Variants in SPRR2G observed in about 807,000 individuals in gnomAD.
SPRR2G encodes small proline rich protein 2G, also known as small proline-rich protein 2G.
In SPRR2G, 1 loss-of-function variant was observed where a neutral mutation model predicts 0.7. The ratio of observed to expected loss-of-function variants is 1.49; its 90% CI spans 0.53 to 7.06. The LOEUF is 7.06. Among genes scored for constraint, SPRR2G ranks in the 30% most tolerant of loss-of-function variants. The pLI, the probability that SPRR2G is intolerant of heterozygous loss-of-function variation, is 0.14. For missense variants in SPRR2G, 96 were observed against 88.5 expected, an observed-to-expected ratio of 1.09 and a Z score of -0.34; for synonymous variants, 38 against 33.9, an observed-to-expected ratio of 1.12 and a Z score of -0.42.
chr1:153,176,597 C>G, the SPRR2G span: 1 of 152,122 alleles, frequency 6.6e-6, no homozygotes, highest in Non-Finnish European at 1.5e-5. Flanking sequence ...ACAGTTTACC[C>G]TTACCTGGAA....
chr1:153,197,053 G>A, the SPRR2G span, among the ~76,000 whole-genome samples: 3 of 151,828 alleles, frequency 2.0e-5, no homozygotes, highest in African/African-American at 7.3e-5. Flanking sequence ...ACCGTGCCTG[G>A]CCCAGCTACC....
At chr1:153,182,765 C>A in the SPRR2G span, among the ~76,000 whole-genome samples, 2 of 152,096 alleles carry the variant, frequency 1.3e-5, no homozygotes, top group African/African-American at 2.4e-5. Flanking sequence ...TGTATATGTG[C>A]CACATTTTCT....
chr1:153,161,808 A>G, the SPRR2G span, among the ~76,000 whole-genome samples: 1 of 152,248 alleles, frequency 6.6e-6, no homozygotes, highest in South Asian at 2.1e-4. Flanking sequence ...AATTAGAAAT[A>G]TAACCTCAGG....
chr1:153,165,877 G>A, the SPRR2G span, among the ~76,000 whole-genome samples: 168 of 152,296 alleles, frequency 1.1e-3, no homozygotes, highest in African/African-American at 3.6e-3. Flanking sequence ...CTCTGTGACT[G>A]TGAGGCACAG....
rs957486397 is a variant in SPRR2G at position 153,149,594 on chromosome 1, T to C, written c.*295A>G. ...AACAAAAGCAATGTGGGCTTGACCA[T>C]GAAACATGTGCTTTATTGGGGAGAA... is the stretch of plus-strand genomic sequence containing the variant. On this transcript the variant is annotated 3_prime_UTR_variant, in exon 2 of 2. Transcript: ENST00000368748. 3 of 476,634 alleles carry C rather than the reference T, an allele frequency of 6.3e-6. No individual in the cohort carries two copies. The highest frequency in any genetic ancestry group is 1.1e-5 in the Non-Finnish European group (3 of 260,888). 29.5% of individuals were successfully genotyped at this position (476,634 alleles called of 1,614,324 possible).
At chr1:153,164,026 T>C in the SPRR2G span, among the ~76,000 whole-genome samples, 1 of 152,208 alleles carries the variant, frequency 6.6e-6, no homozygotes. Context: ...GTAATATCAA[T>C]AATAACAATA....
chr1:153,152,663 G>T (rs1656496818), upstream of SPRR2G, among the ~76,000 whole-genome samples: 1 of 152,200 alleles, frequency 6.6e-6, no homozygotes, highest in Non-Finnish European at 1.5e-5. Flanking sequence ...CTTCAGGGAT[G>T]CCAGAAGGAA....
the SPRR2G span, among the ~76,000 whole-genome samples, chr1:153,165,412 A>C: frequency 6.6e-6 from 1 of 152,218 alleles, no homozygotes; most frequent in Non-Finnish European, 1.5e-5. Flanking sequence ...CAGCTAGATT[A>C]TGACAGACAG....
At chr1:153,160,362 A>G in the SPRR2G span, among the ~76,000 whole-genome samples, 1 of 152,232 alleles carries the variant, frequency 6.6e-6, no homozygotes, top group Non-Finnish European at 1.5e-5. Flanking sequence ...TAATGCTGCA[A>G]TGAACATGAG....
chr1:153,161,268 C>G, the SPRR2G span, among the ~76,000 whole-genome samples: 1 of 66,452 alleles, frequency 1.5e-5, no homozygotes, highest in African/African-American at 4.0e-5. Flanking sequence ...GTCATCCTAA[C>G]ACATATGAAG....
chr1:153,188,409 A>G, the SPRR2G span, among the ~76,000 whole-genome samples: 12,681 of 152,164 alleles, frequency 0.083, 582 homozygotes, highest in African/African-American at 0.13. Flanking sequence ...CCACCCAGTG[A>G]GGAGGAATTT....
chr1:153,193,396 G>A, the SPRR2G span, among the ~76,000 whole-genome samples: 6 of 152,142 alleles, frequency 3.9e-5, no homozygotes, highest in Admixed American at 3.9e-4. Context: ...ATTTGTCCAG[G>A]TTGCTCTGTA....
rs759484400 is a variant in SPRR2G at position 153,149,857 on chromosome 1, T to C, written c.*32A>G. On this transcript the variant is annotated 3_prime_UTR_variant, in exon 2 of 2. Transcript: ENST00000368748. Reference sequence around the variant, plus strand: ...GAGTAAGAAGAGCCACTGGATCTTGTTGTTTCATGGTCCTGATGAATTCTA... The same window carrying C: ...GAGTAAGAAGAGCCACTGGATCTTGCTGTTTCATGGTCCTGATGAATTCTA... The C allele has an allele frequency of 8.9e-5, 144 of 1,612,574 alleles. No individual in the cohort carries two copies. The highest frequency in any genetic ancestry group is 1.2e-4 in the Non-Finnish European group (138 of 1,178,810).
the SPRR2G span, among the ~76,000 whole-genome samples, chr1:153,170,471 C>T: frequency 9.8e-4 from 149 of 152,070 alleles, 2 homozygotes; most frequent in South Asian, 0.017. Context: ...ACAAAAACAG[C>T]GTATGGCAAT....
chr1:153,172,193 AC>A, the SPRR2G span, among the ~76,000 whole-genome samples: 1 of 152,192 alleles, frequency 6.6e-6, no homozygotes, highest in Admixed American at 6.5e-5. Flanking sequence ...ACACTCCCTG[AC>A]TGAAAAAACT....
the SPRR2G span, among the ~76,000 whole-genome samples, chr1:153,194,311 T>C: frequency 6.6e-6 from 1 of 152,184 alleles, no homozygotes; most frequent in African/African-American, 2.4e-5. Flanking sequence ...ACAGGAAAAT[T>C]TGCATGACAT....
At chr1:153,190,955 G>C in the SPRR2G span, 2 of 152,068 alleles carry the variant, frequency 1.3e-5, no homozygotes, top group Non-Finnish European at 2.9e-5. Context: ...ATGTAAAAAA[G>C]TCAAGAGAGA....
chr1:153,182,292 T>C, the SPRR2G span, among the ~76,000 whole-genome samples: 1 of 152,158 alleles, frequency 6.6e-6, no homozygotes, highest in Non-Finnish European at 1.5e-5. Flanking sequence ...TTTGAGTTCC[T>C]GCATACCCAA....
At chr1:153,155,000 A>G (rs1007665575), upstream of SPRR2G, among the ~76,000 whole-genome samples, 5 of 152,074 alleles carry the variant, frequency 3.3e-5, no homozygotes, top group African/African-American at 7.2e-5. Flanking sequence ...TTTTCATAAT[A>G]TCCACTTAAT....
Sources: gnomAD v4.1 joint callset for allele counts (sites outside exome capture counted in the v4.1 genomes callset) on GRCh38, gnomAD v4.1.1 for gene constraint, MANE v1.5 for transcripts, NCBI Gene and HGNC (gene_info 2026-07-23, HGNC 2026-07-21) for gene names.